The following BICC1 variants were observed in gnomAD, a reference collection of about 807,000 sequenced individuals.
The protein encoded by BICC1 is BicC family RNA binding protein 1.
Under a neutral mutation model 111.0 loss-of-function variants are expected in BICC1, and 43 were observed. The ratio of observed to expected loss-of-function variants is 0.39; its 90% CI spans 0.30 to 0.50. The LOEUF (loss-of-function observed/expected upper bound fraction) is 0.50. BICC1 is among the 20% of genes least tolerant of loss of function. BICC1 has a pLI of 0.88. For missense variants in BICC1, 1,091 were observed against 1,203.2 expected (o/e 0.91, Z 1.38); for synonymous variants, 467 against 434.4 (o/e 1.07, Z -0.93).
chr10:58,521,768 GTTTTTTTTTTTTTTTTTT>G lies in BICC1; in HGVS notation c.190+8456_190+8473del, dbSNP rs573116230. 1.3e-3 allele frequency among the ~76,000 whole-genome samples: 148 copies of G among 112,804 alleles called. 13 individuals carry two copies. Among genetic ancestry groups the G allele is most frequent in the African/African-American group, 3.9e-3 (132 of 33,424 alleles). 74.0% of individuals were successfully genotyped at this position (112,804 alleles called of 152,430 possible). ...ATGAAAATCAGCCAGGGAATGTGGT[GTTTTTTTTTTTTTTTTTT>G]TTTTTTTTTTTTTTTTTTTTGAGGG... On this transcript the variant is annotated intron_variant, in intron 1 of 20. Coordinates refer to ENST00000373886, the MANE Select transcript of BICC1 (RefSeq NM_001080512.3).
At chr10:58,802,993 T>G in intron 14 of BICC1, 84 bp from the exon 15 acceptor site, 6 of 1,289,390 alleles carry the variant, frequency 4.7e-6, no homozygotes, top group Non-Finnish European at 6.2e-6. Flanking sequence ...ATGATAAACA[T>G]GCATAGTAAA....
chr10:58,649,632 A>G (rs181466152), intron 2 of BICC1, among the ~76,000 whole-genome samples: 2 of 152,340 alleles, frequency 1.3e-5, no homozygotes, highest in East Asian at 3.9e-4. Context: ...ACTGGGAAGC[A>G]GTGGAAAGAG....
chr10:58,522,767 TG>T (rs1159100195), intron 1 of BICC1, among the ~76,000 whole-genome samples: 7 of 152,230 alleles, frequency 4.6e-5, no homozygotes, highest in Non-Finnish European at 8.8e-5. Context: ...ATCCAGGAGC[TG>T]GTTTTTTGAA....
At chr10:58,531,553 G>C (rs940149409) in intron 1 of BICC1, among the ~76,000 whole-genome samples, 1 of 151,744 alleles carries the variant, frequency 6.6e-6, no homozygotes, top group Non-Finnish European at 1.5e-5. Context: ...GGTCCAATCA[G>C]AAGAACAAAA....
At chr10:58,777,090 A>T (rs1023174732) in intron 3 of BICC1, among the ~76,000 whole-genome samples, 1 of 151,064 alleles carries the variant, frequency 6.6e-6, no homozygotes, top group African/African-American at 2.4e-5. Flanking sequence ...CACTCCTTAA[A>T]TACATCTGTT....
chr10:58,584,961 A>G (rs928595016), intron 1 of BICC1, among the ~76,000 whole-genome samples: 4 of 152,226 alleles, frequency 2.6e-5, no homozygotes, highest in African/African-American at 7.2e-5. Context: ...AAAATTTAGC[A>G]TAAATAAAAT....
intron 2 of BICC1, among the ~76,000 whole-genome samples, chr10:58,676,409 G>A (rs1228008741): frequency 6.6e-6 from 1 of 152,168 alleles, no homozygotes; most frequent in East Asian, 1.9e-4. Context: ...GCATTCTCAA[G>A]TCAATCTGGG....
At position 58,820,358 on chromosome 10, in the gene BICC1, T is replaced by C. The variant is rs1171691322; in HGVS notation, c.2695-11T>C. 3.1e-6 allele frequency: 5 copies of C among 1,591,368 alleles called. No homozygotes were observed. The highest frequency in any genetic ancestry group is 3.3e-4 in the Middle Eastern group (2 of 6,004). On this transcript the variant is annotated splice_polypyrimidine_tract_variant and intron_variant, in intron 19 of 20. Transcript: ENST00000373886. ...AATACATTGGTTATAGATTGACCTTTCTACCCACAGATCGATCTTCAGACA... is the reference window on the plus strand; with the variant it reads ...AATACATTGGTTATAGATTGACCTTCCTACCCACAGATCGATCTTCAGACA...
intron 2 of BICC1, 122 bp downstream of exon 2, chr10:58,621,023 A>C: frequency 1.4e-6 from 1 of 723,014 alleles, no homozygotes; most frequent in South Asian, 2.1e-5. Flanking sequence ...TCTATACGGG[A>C]GCTGGAAACA....
chr10:58,664,943 G>A lies in BICC1; in HGVS notation c.238-37131G>A, dbSNP rs1320106514. Among the ~76,000 whole-genome samples the A allele has an allele frequency of 2.0e-5, 3 of 152,092 alleles. No individual in the cohort carries two copies. The South Asian group carries it at 6.2e-4, about 31-fold the overall frequency. On this transcript the variant is annotated intron_variant, in intron 2 of 20. Transcript: ENST00000373886. ...ACTTCAGATTTCTCCAGTGGTGGAT[G>A]GATTGCTGCTGCTACATTGAGCTTA...
At chr10:58,790,883 T>A (rs1201999086) in intron 8 of BICC1, among the ~76,000 whole-genome samples, 1 of 152,254 alleles carries the variant, frequency 6.6e-6, no homozygotes, top group African/African-American at 2.4e-5. Flanking sequence ...ATGGACATGA[T>A]GCTGGGCTTA....
At chr10:58,794,165 T>TTGTGTGTGTGTGTGTG (rs71006206) in intron 9 of BICC1, among the ~76,000 whole-genome samples, 7 of 138,228 alleles carry the variant, frequency 5.1e-5, no homozygotes, top group African/African-American at 1.9e-4. Flanking sequence ...CTTACATGTT[T>TTGTGTGTGTGTGTGTG]TGTGTGTGTG....
intron 1 of BICC1, among the ~76,000 whole-genome samples, chr10:58,591,609 T>A (rs1435244861): frequency 1.3e-5 from 2 of 152,314 alleles, no homozygotes; most frequent in African/African-American, 4.8e-5. Flanking sequence ...GGAGTTAGGT[T>A]TTCAACATAT....
At chr10:58,675,539 T>C (rs1199297131) in intron 2 of BICC1, among the ~76,000 whole-genome samples, 1 of 152,068 alleles carries the variant, frequency 6.6e-6, no homozygotes, top group Non-Finnish European at 1.5e-5. Flanking sequence ...ATACCATCTG[T>C]TATGAATTAT....
chr10:58,583,487 AGTTACTTTACTTAGAACTGTG>A (rs1299068189), intron 1 of BICC1, among the ~76,000 whole-genome samples: 1 of 150,414 alleles, frequency 6.6e-6, no homozygotes, highest in Non-Finnish European at 1.5e-5. Context: ...TCCATTCTTG[AGTTACTTTACTTAGAACTGTG>A]GTCTCTAATT....
intron 3 of BICC1, among the ~76,000 whole-genome samples, chr10:58,768,486 A>G (rs1842520327): frequency 6.6e-6 from 1 of 152,184 alleles, no homozygotes; most frequent in African/African-American, 2.4e-5. Context: ...ATGAAAAGAC[A>G]CCAATTAGTA....
intron 1 of BICC1, among the ~76,000 whole-genome samples, chr10:58,595,574 C>T (rs1844785083): frequency 6.6e-6 from 1 of 152,174 alleles, no homozygotes; most frequent in Non-Finnish European, 1.5e-5. Flanking sequence ...CTCAAAACCA[C>T]ACAACTACAT....
intron 3 of BICC1, among the ~76,000 whole-genome samples, chr10:58,733,828 G>A (rs1013340099): frequency 9.2e-5 from 14 of 152,198 alleles, no homozygotes; most frequent in Non-Finnish European, 1.8e-4. Context: ...CTCTAGTATA[G>A]GATAGTAGTT....
At chr10:58,658,264 T>C (rs760397788) in intron 2 of BICC1, among the ~76,000 whole-genome samples, 1 of 152,188 alleles carries the variant, frequency 6.6e-6, no homozygotes, top group Non-Finnish European at 1.5e-5. Context: ...CTCTGTTCAC[T>C]GCAGCCTCTG....
Sources: allele counts gnomAD v4.1 joint callset (sites outside exome capture counted in the v4.1 genomes callset), GRCh38; gene constraint gnomAD v4.1.1; transcripts MANE v1.5; gene names NCBI Gene and HGNC (gene_info 2026-07-23, HGNC 2026-07-21).